Variants in SCN8A observed in about 807,000 individuals in gnomAD.
The protein encoded by SCN8A is sodium voltage-gated channel alpha subunit 8, also known as sodium channel protein type 8 subunit alpha.
A neutral mutation model predicts 184.1 loss-of-function variants in SCN8A; 30 were observed. The ratio of observed to expected loss-of-function variants is 0.16; its 90% CI spans 0.12 to 0.22. The LOEUF is 0.22. Ranked by LOEUF, SCN8A falls within the 10% of genes least tolerant of loss-of-function variation. SCN8A has a pLI of 1.00. For missense variants in SCN8A, 1,057 were observed against 2,498.9 expected (o/e 0.42, Z 12.30); for synonymous variants, 852 against 907.0 (o/e 0.94, Z 1.09).
chr12:51,682,367 G>A (rs1941349943), intron 2 of SCN8A, among the ~76,000 whole-genome samples: 1 of 152,128 alleles, frequency 6.6e-6, no homozygotes, highest in East Asian at 1.9e-4. Context: ...CTTCTATTTT[G>A]TGGGAGAGTT....
At position 51,783,519 on chromosome 12, in the gene SCN8A, C is replaced by A. The variant is rs1262732783; in HGVS notation, c.3942+2748C>A. On this transcript the variant is annotated intron_variant, in intron 21 of 26. Transcript: ENST00000627620. ...GTCCTGGGGCACTGACTTCAGTCTC[C>A]TCTTCTTCCTCAAACCAAAGACCAG... Among the ~76,000 whole-genome samples the A allele has an allele frequency of 2.0e-5, 3 of 152,190 alleles. No homozygotes were observed. In the East Asian group the frequency reaches 5.8e-4, roughly 29 times the overall value.
At chr12:51,643,610 A>G (rs1263561688) in intron 1 of SCN8A, among the ~76,000 whole-genome samples, 7 of 152,168 alleles carry the variant, frequency 4.6e-5, no homozygotes, top group African/African-American at 7.2e-5. Context: ...TATTTTGTAT[A>G]ATAGTTTAGA....
intron 1 of SCN8A, among the ~76,000 whole-genome samples, chr12:51,659,379 G>C (rs1191454222): frequency 2.6e-5 from 4 of 152,162 alleles, no homozygotes; most frequent in African/African-American, 9.7e-5. Flanking sequence ...GATTTCAGTG[G>C]TGGTTACACA....
intron 2 of SCN8A, among the ~76,000 whole-genome samples, chr12:51,673,631 A>G (rs1423648282): frequency 6.6e-6 from 1 of 152,220 alleles, no homozygotes; most frequent in Non-Finnish European, 1.5e-5. Context: ...ATGAAAGAAG[A>G]GATTCATACA....
intron 1 of SCN8A, among the ~76,000 whole-genome samples, chr12:51,626,183 T>C (rs1940074455): frequency 6.6e-6 from 1 of 152,134 alleles, no homozygotes; most frequent in South Asian, 2.1e-4. Context: ...CCAGTGGGCT[T>C]TAGGGCTGTC....
chr12:51,783,845 T>C (rs1937998206), intron 21 of SCN8A, among the ~76,000 whole-genome samples: 1 of 152,210 alleles, frequency 6.6e-6, no homozygotes, highest in Admixed American at 6.5e-5. Flanking sequence ...AGAATTAATA[T>C]CCATTGGAAT....
At chr12:51,734,139 T>C (rs536955427) in intron 12 of SCN8A, among the ~76,000 whole-genome samples, 32 of 152,312 alleles carry the variant, frequency 2.1e-4, no homozygotes, top group African/African-American at 6.7e-4. Flanking sequence ...CCTTTTCTAG[T>C]CAAGATGCAC....
intron 20 of SCN8A, among the ~76,000 whole-genome samples, chr12:51,775,707 C>T (rs1251952180): frequency 1.3e-5 from 2 of 152,190 alleles, no homozygotes; most frequent in African/African-American, 4.8e-5. Flanking sequence ...TGGGCCAGTT[C>T]TCTTTCTGGA....
chr12:51,663,495 T>A (rs939648694), intron 2 of SCN8A, among the ~76,000 whole-genome samples: 36 of 152,310 alleles, frequency 2.4e-4, no homozygotes, highest in African/African-American at 8.7e-4. Context: ...GTGGAGATGG[T>A]GTATTTGCTC....
At chr12:51,788,074 C>T (rs1938135756) in intron 22 of SCN8A, among the ~76,000 whole-genome samples, 1 of 152,104 alleles carries the variant, frequency 6.6e-6, no homozygotes, top group Admixed American at 6.5e-5. Flanking sequence ...GTACATAAAA[C>T]ACGGTGAATA....
At chr12:51,647,773 G>A (rs1940623522) in intron 1 of SCN8A, among the ~76,000 whole-genome samples, 1 of 152,174 alleles carries the variant, frequency 6.6e-6, no homozygotes, top group East Asian at 1.9e-4. Flanking sequence ...ATTGGAGAAG[G>A]GAGGAGCCCA....
intron 1 of SCN8A, among the ~76,000 whole-genome samples, chr12:51,607,250 A>G (rs1354686249): frequency 6.6e-6 from 1 of 152,056 alleles, no homozygotes; most frequent in Non-Finnish European, 1.5e-5. Context: ...TGTATAGAAG[A>G]GTTACTGATT....
chr12:51,593,404 C>T (rs532175576), intron 1 of SCN8A, among the ~76,000 whole-genome samples: 19 of 152,284 alleles, frequency 1.2e-4, no homozygotes, highest in African/African-American at 4.6e-4. Flanking sequence ...TCAGTTTGAG[C>T]AGCTTTGGTT....
intron 14 of SCN8A, among the ~76,000 whole-genome samples, chr12:51,760,662 G>A (rs531620506): frequency 3.1e-4 from 47 of 152,312 alleles, no homozygotes; most frequent in Non-Finnish European, 6.0e-4. Flanking sequence ...AGGATTTGAT[G>A]AGCTGTCTGT....
intron 1 of SCN8A, among the ~76,000 whole-genome samples, chr12:51,640,806 G>C (rs1940436165): frequency 6.6e-6 from 1 of 152,194 alleles, no homozygotes; most frequent in African/African-American, 2.4e-5. Flanking sequence ...GGTTGAATGG[G>C]TTGGGCCAAC....
At chr12:51,745,099 A>G (rs894678017) in intron 12 of SCN8A, among the ~76,000 whole-genome samples, 3 of 152,244 alleles carry the variant, frequency 2.0e-5, no homozygotes, top group Non-Finnish European at 4.4e-5. Flanking sequence ...AACGTAAGTC[A>G]GGGACATGAA....
Position 51,807,178 on chromosome 12 carries a change from T to C in SCN8A, c.5692T>C (p.Ser1898Pro). The change falls in exon 27 of 27, where the codon TCT becomes CCT. Residue 1898 changes from serine (S) to proline (P), a missense_variant. By Grantham distance (74) the Ser-to-Pro change is moderately conservative (BLOSUM62 -1). Coordinates refer to ENST00000627620, the MANE Select transcript of SCN8A (RefSeq NM_001330260.2). This position sits in a 1 kb window ranked among gnomAD's most constrained non-coding sequence, Gnocchi z 4.5. ...TTLRRKQEEV[S>P]AVVLQRAYRG... ...ACTGCGTCGCAAGCAGGAGGAGGTA[T>C]CTGCAGTGGTCCTGCAGCGTGCCTA... 1 of 1,613,658 alleles carries C rather than the reference T, an allele frequency of 6.2e-7. No homozygotes were observed. Among genetic ancestry groups the C allele is most frequent in the Non-Finnish European group, 8.5e-7 (1 of 1,179,710 alleles).
chr12:51,675,144 A>G (rs1438686118), intron 2 of SCN8A, among the ~76,000 whole-genome samples: 1 of 152,228 alleles, frequency 6.6e-6, no homozygotes, highest in Non-Finnish European at 1.5e-5. Flanking sequence ...AGTCAAATTT[A>G]TATCGAAGGA....
Position 51,705,642 on chromosome 12 carries a change from G to C in SCN8A, c.1341+19G>C. ...GGCACAGGTTGGTGATGAATTCTTT[G>C]CAATAGACCTTCCTGCCAGATCATG... On this transcript the variant is annotated intron_variant, in intron 10 of 26. Coordinates refer to ENST00000627620, the MANE Select transcript of SCN8A (RefSeq NM_001330260.2). 6.2e-7 allele frequency: 1 copy of C among 1,601,592 alleles called. No homozygotes were observed.
Sources: gnomAD v4.1 joint callset for allele counts (sites outside exome capture counted in the v4.1 genomes callset) on GRCh38, gnomAD v4.1.1 for gene constraint, Gnocchi (gnomAD v3.1) non-coding constraint, MANE v1.5 for transcripts, NCBI Gene and HGNC (gene_info 2026-07-23, HGNC 2026-07-21) for gene names.